The following PCDH15 variants were observed in gnomAD, a reference collection of about 807,000 sequenced individuals.
PCDH15 encodes protocadherin-15.
PCDH15 carries 129 observed loss-of-function variants against 178.5 expected under a neutral mutation model. That is an observed-to-expected ratio of 0.72 (90% CI 0.63 to 0.84). PCDH15 has a LOEUF of 0.84. Among genes scored for constraint, PCDH15 ranks in the 40% least tolerant of loss-of-function variants. PCDH15 has a pLI of 0.00. For missense variants in PCDH15, 2,230 were observed against 2,099.9 expected, an observed-to-expected ratio of 1.06 and a Z score of -1.21; for synonymous variants, 800 against 732.0, an observed-to-expected ratio of 1.09 and a Z score of -1.50.
At chr10:55,519,166 C>G (rs1841094992) in intron 2 of PCDH15, among the ~76,000 whole-genome samples, 1 of 147,632 alleles carries the variant, frequency 6.8e-6, no homozygotes, top group Admixed American at 6.8e-5. Flanking sequence ...ACTCAGCCAG[C>G]TGCCCCCTCA....
chr10:54,760,210 C>A (rs911173801), intron 1 of PCDH15, among the ~76,000 whole-genome samples: 1 of 151,838 alleles, frequency 6.6e-6, no homozygotes, highest in East Asian at 1.9e-4. Context: ...ACAATACCTC[C>A]AACTGTTTTC....
chr10:54,264,706 A>C (rs548121593), intron 8 of PCDH15, among the ~76,000 whole-genome samples: 81 of 152,290 alleles, frequency 5.3e-4, no homozygotes, highest in Non-Finnish European at 1.0e-3. Context: ...CAGTCTTGCA[A>C]AAATAAAGAA....
intron 2 of PCDH15, among the ~76,000 whole-genome samples, chr10:55,497,868 T>C (rs115814981): frequency 0.021 from 3,165 of 152,014 alleles, 117 homozygotes; most frequent in African/African-American, 0.072. Context: ...AGTGGAAAGA[T>C]GTGAAATGGA....
At chr10:53,982,809 T>G (rs1033838047) in intron 21 of PCDH15, among the ~76,000 whole-genome samples, 4 of 151,488 alleles carry the variant, frequency 2.6e-5, no homozygotes, top group African/African-American at 9.7e-5. Context: ...ACCCTAAAAC[T>G]TAAAGTATAA....
intron 2 of PCDH15, among the ~76,000 whole-genome samples, chr10:54,645,640 T>C (rs1045353488): frequency 6.6e-6 from 1 of 152,112 alleles, no homozygotes; most frequent in Admixed American, 6.6e-5. Flanking sequence ...GAATGAAGTA[T>C]GTAGAAAGTA....
chr10:54,599,276 C>A (rs1208435360), intron 2 of PCDH15, among the ~76,000 whole-genome samples: 2 of 151,990 alleles, frequency 1.3e-5, no homozygotes, highest in Non-Finnish European at 2.9e-5. Context: ...GCTACAGTAA[C>A]CAAAACAACA....
intron 2 of PCDH15, among the ~76,000 whole-genome samples, chr10:55,467,479 C>A (rs1457702294): frequency 1.3e-5 from 2 of 150,272 alleles, no homozygotes; most frequent in African/African-American, 4.9e-5. Context: ...ATTTTATAAA[C>A]CTTCACTCTC....
At chr10:54,617,085 C>CT (rs2134348245) in intron 2 of PCDH15, among the ~76,000 whole-genome samples, 1 of 151,318 alleles carries the variant, frequency 6.6e-6, no homozygotes, top group South Asian at 2.1e-4. Flanking sequence ...TAAGTAGAGA[C>CT]TGGATTTCAC....
intron 3 of PCDH15, among the ~76,000 whole-genome samples, chr10:54,503,717 C>T (rs1442779377): frequency 6.6e-6 from 1 of 151,804 alleles, no homozygotes; most frequent in Non-Finnish European, 1.5e-5. Context: ...GAAAGTTAAC[C>T]CCTTCTTTTA....
chr10:54,794,680 G>A (rs1307179009), intron 1 of PCDH15, among the ~76,000 whole-genome samples: 1 of 151,734 alleles, frequency 6.6e-6, no homozygotes, highest in East Asian at 1.9e-4. Flanking sequence ...ACCTGGTAGA[G>A]GTTAAATGGA....
chr10:55,280,081 A>G, intron 1 of PCDH15, among the ~76,000 whole-genome samples: 1 of 152,076 alleles, frequency 6.6e-6, no homozygotes, highest in East Asian at 1.9e-4. Context: ...TCTCTTTGCC[A>G]TAAAAGACAA....
chr10:54,644,945 T>C (rs1005705970), intron 2 of PCDH15, among the ~76,000 whole-genome samples: 12 of 152,124 alleles, frequency 7.9e-5, no homozygotes, highest in African/African-American at 2.9e-4. Context: ...GCACCATCTT[T>C]GAAACAGAGG....
rs1197301306 is a variant in PCDH15 at position 54,132,859 on chromosome 10, A to ACC, written c.1917+15_1917+16insGG. On this transcript the variant is annotated intron_variant, in intron 15 of 37. Coordinates refer to ENST00000644397, the MANE Select transcript of PCDH15 (RefSeq NM_001384140.1). ...AATTTATACACACACACACACACACACACCAAGGAACATACCTGTAGATTT... is the reference window on the plus strand; with the variant it reads ...AATTTATACACACACACACACACACACCCACCAAGGAACATACCTGTAGATTT... The ACC allele has an allele frequency of 1.2e-6, 2 of 1,603,892 alleles. No individual in the cohort carries two copies. The highest frequency in any genetic ancestry group is 1.7e-6 in the Non-Finnish European group (2 of 1,174,878).
At chr10:53,936,026 A>G (rs1042568742) in intron 25 of PCDH15, among the ~76,000 whole-genome samples, 2 of 152,200 alleles carry the variant, frequency 1.3e-5, no homozygotes, top group East Asian at 3.9e-4. Flanking sequence ...GGATATGATC[A>G]AGCCTCCAGA....
At chr10:54,600,395 G>A (rs545446599) in intron 2 of PCDH15, 6 of 560,460 alleles carry the variant, frequency 1.1e-5, no homozygotes, top group South Asian at 8.7e-5. Flanking sequence ...GCAAAAGGCA[G>A]TGGGAGGGAA....
intron 2 of PCDH15, among the ~76,000 whole-genome samples, chr10:54,937,210 G>A (rs957386224): frequency 1.3e-5 from 2 of 151,708 alleles, no homozygotes; most frequent in African/African-American, 4.8e-5. Context: ...TGATTACCGT[G>A]GTTTTGTAGT....
intron 3 of PCDH15, among the ~76,000 whole-genome samples, chr10:54,879,685 A>G (rs1320941300): frequency 6.6e-6 from 1 of 151,172 alleles, no homozygotes; most frequent in Non-Finnish European, 1.5e-5. Context: ...TGTATATTAA[A>G]TATATTAATA....
At chr10:55,532,823 C>A (rs1455613748) in intron 2 of PCDH15, among the ~76,000 whole-genome samples, 3 of 151,974 alleles carry the variant, frequency 2.0e-5, no homozygotes, top group Non-Finnish European at 4.4e-5. Flanking sequence ...TTCACAGAAT[C>A]CATGACAGAA....
chr10:54,716,476 G>A (rs186324788), intron 1 of PCDH15, among the ~76,000 whole-genome samples: 6 of 152,132 alleles, frequency 3.9e-5, no homozygotes, highest in South Asian at 2.1e-4. Context: ...GGTCCTTCGC[G>A]TCCCTTGTAA....
Sources: allele counts gnomAD v4.1 joint callset (sites outside exome capture counted in the v4.1 genomes callset), GRCh38; gene constraint gnomAD v4.1.1; transcripts MANE v1.5; gene names NCBI Gene and HGNC (gene_info 2026-07-23, HGNC 2026-07-21).